The following ZNF536 variants were observed in gnomAD, a reference collection of about 807,000 sequenced individuals.
ZNF536 encodes zinc finger protein 536.
A neutral mutation model predicts 84.5 loss-of-function variants in ZNF536; 13 were observed. That is an observed-to-expected ratio of 0.15 (90% CI 0.10 to 0.24). ZNF536 has a LOEUF of 0.24. ZNF536 is among the 10% of genes least tolerant of loss of function. The pLI is 1.00. For synonymous variants in ZNF536, 811 were observed against 742.5 expected (o/e 1.09, Z -1.50); for missense variants, 1,536 against 1,747.5 (o/e 0.88, Z 2.16).
At chr19:30,610,802 G>A (rs1194062229) in intron 1 of ZNF536, among the ~76,000 whole-genome samples, 1 of 152,134 alleles carries the variant, frequency 6.6e-6, no homozygotes, top group East Asian at 1.9e-4. Flanking sequence ...GACATGCAAG[G>A]CCACACCCAG....
At chr19:30,354,094 G>C (rs1486899044) in intron 3 of ZNF536, among the ~76,000 whole-genome samples, 2 of 152,254 alleles carry the variant, frequency 1.3e-5, no homozygotes, top group Non-Finnish European at 2.9e-5. Flanking sequence ...ACAGGGTGGA[G>C]ACCGAGGGGG....
chr19:30,307,956 C>T (rs2046390488), intron 2 of ZNF536, among the ~76,000 whole-genome samples: 1 of 152,220 alleles, frequency 6.6e-6, no homozygotes, highest in Non-Finnish European at 1.5e-5. Context: ...ATGACTTAAA[C>T]ACAGTAATTG....
At chr19:30,501,902 A>G (rs1174814763) in intron 2 of ZNF536, among the ~76,000 whole-genome samples, 1 of 152,206 alleles carries the variant, frequency 6.6e-6, no homozygotes, top group African/African-American at 2.4e-5. Flanking sequence ...CAATAATGGA[A>G]CACTAGGCAT....
chr19:30,653,261 A>G (rs754957446), intron 1 of ZNF536, among the ~76,000 whole-genome samples: 1 of 152,274 alleles, frequency 6.6e-6, no homozygotes, highest in East Asian at 1.9e-4. Flanking sequence ...CTTCAGCTCC[A>G]GGGTCATGGC....
intron 2 of ZNF536, among the ~76,000 whole-genome samples, chr19:30,330,631 G>A (rs1487835145): frequency 6.6e-6 from 1 of 152,198 alleles, no homozygotes; most frequent in African/African-American, 2.4e-5. Flanking sequence ...GCTCTCCCAG[G>A]CCATATCTGT....
At chr19:30,337,023 C>G (rs1177881122) in intron 2 of ZNF536, among the ~76,000 whole-genome samples, 1 of 151,874 alleles carries the variant, frequency 6.6e-6, no homozygotes, top group Non-Finnish European at 1.5e-5. Context: ...TTGCAGGTCT[C>G]CTGCAACATG....
chr19:30,468,915 C>A (rs1413677994), intron 2 of ZNF536, among the ~76,000 whole-genome samples: 1 of 151,976 alleles, frequency 6.6e-6, no homozygotes, highest in Non-Finnish European at 1.5e-5. Flanking sequence ...CTGAGAATGT[C>A]CAGAGGCGAT....
chr19:30,338,128 GGTGATGATGGTGATGATT>G lies in ZNF536; in HGVS notation c.-119-14231_-119-14214del, dbSNP rs549316290. Among the ~76,000 whole-genome samples, 1,082 of 151,784 alleles carry G rather than the reference GGTGATGATGGTGATGATT, an allele frequency of 7.1e-3. 2 individuals are homozygous for G. Among genetic ancestry groups the G allele is most frequent in the Middle Eastern group, 0.034 (10 of 292 alleles). On this transcript the variant is annotated intron_variant, in intron 2 of 5. Coordinates refer to the ZNF536 transcript ENST00000585628. ...TGATTGTGATTATGATGATGATGAT[GGTGATGATGGTGATGATT>G]GTGATGATTGTGATGATGATGATAG...
At chr19:30,494,037 G>A (rs2054616216) in intron 2 of ZNF536, among the ~76,000 whole-genome samples, 1 of 152,024 alleles carries the variant, frequency 6.6e-6, no homozygotes. Flanking sequence ...CCCTGCCCCT[G>A]TTTGCCCATC....
At chr19:30,347,831 C>T (rs780878261) in intron 2 of ZNF536, among the ~76,000 whole-genome samples, 9 of 152,208 alleles carry the variant, frequency 5.9e-5, no homozygotes, top group Admixed American at 2.0e-4. Context: ...CTAGCTGCCC[C>T]ACAGGGTTTC....
intron 1 of ZNF536, among the ~76,000 whole-genome samples, chr19:30,654,594 A>G (rs1230424713): frequency 6.6e-6 from 1 of 152,236 alleles, no homozygotes; most frequent in African/African-American, 2.4e-5. Context: ...AGGTGAAACC[A>G]AAAAGACCTT....
intron 3 of ZNF536, among the ~76,000 whole-genome samples, chr19:30,361,757 C>T (rs2146886908): frequency 1.3e-5 from 2 of 149,206 alleles, no homozygotes; most frequent in South Asian, 4.4e-4. Flanking sequence ...ATTTCTTCTG[C>T]CACGTTCACT....
chr19:30,369,344 C>G (rs1275978907), upstream of ZNF536, among the ~76,000 whole-genome samples: 36 of 152,190 alleles, frequency 2.4e-4, no homozygotes, highest in Admixed American at 2.3e-3. Flanking sequence ...TTTCTGCCCA[C>G]TCAAGGATTT....
intron 1 of ZNF536, among the ~76,000 whole-genome samples, chr19:30,261,960 C>A (rs2025249262): frequency 6.6e-6 from 1 of 152,100 alleles, no homozygotes; most frequent in Non-Finnish European, 1.5e-5. Flanking sequence ...AGGAGTCCCA[C>A]CCCCTCTTCA....
chr19:30,426,733 A>G (rs2051231021), intron 1 of ZNF536, among the ~76,000 whole-genome samples: 1 of 152,218 alleles, frequency 6.6e-6, no homozygotes, highest in Admixed American at 6.5e-5. Context: ...TACACAGGAC[A>G]TGATGTAATC....
intron 1 of ZNF536, among the ~76,000 whole-genome samples, chr19:30,258,610 G>A (rs770593733): frequency 1.1e-4 from 17 of 152,112 alleles, no homozygotes; most frequent in Non-Finnish European, 2.5e-4. Flanking sequence ...TTTGATAGAT[G>A]AATGCTTTAC....
chr19:30,281,398 T>C (rs942946837), intron 1 of ZNF536, among the ~76,000 whole-genome samples: 6 of 152,210 alleles, frequency 3.9e-5, no homozygotes, highest in Admixed American at 3.3e-4. Context: ...CAGCCCTGTC[T>C]CCACCAGGGC....
At chr19:30,603,539 G>A (rs2146955533) in intron 1 of ZNF536, among the ~76,000 whole-genome samples, 1 of 152,218 alleles carries the variant, frequency 6.6e-6, no homozygotes, top group Non-Finnish European at 1.5e-5. Context: ...TCATTTTATT[G>A]CTACTATTAT....
intron 1 of ZNF536, among the ~76,000 whole-genome samples, chr19:30,395,449 G>C (rs953363663): frequency 6.6e-6 from 1 of 152,212 alleles, no homozygotes; most frequent in African/African-American, 2.4e-5. Context: ...GAATGTGTCA[G>C]AGTGATTGGT....
Sources: allele counts gnomAD v4.1 joint callset (sites outside exome capture counted in the v4.1 genomes callset), GRCh38; gene constraint gnomAD v4.1.1; transcripts MANE v1.5; gene names NCBI Gene and HGNC (gene_info 2026-07-23, HGNC 2026-07-21).